The following ATRNL1 variants were observed in gnomAD, a reference collection of about 807,000 sequenced individuals.
The protein encoded by ATRNL1 is attractin-like protein 1.
ATRNL1 carries 95 observed loss-of-function variants against 182.7 expected under a neutral mutation model. The observed-to-expected ratio is 0.52, with a 90% CI of 0.44 to 0.62. The LOEUF (loss-of-function observed/expected upper bound fraction) is 0.62, where lower values mean the gene tolerates loss of function less well. Ranked by LOEUF, ATRNL1 falls within the 20% of genes least tolerant of loss-of-function variation. The probability of loss-of-function intolerance (pLI) is 0.00; values close to 1 mark genes in which losing one functional copy is unlikely to be tolerated. For synonymous variants in ATRNL1, 576 were observed against 568.3 expected, an observed-to-expected ratio of 1.01 and a Z score of -0.19; for missense variants, 1,471 against 1,679.5, an observed-to-expected ratio of 0.88 and a Z score of 2.17.
chr10:115,665,416 G>A (rs2133914957), intron 26 of ATRNL1, among the ~76,000 whole-genome samples: 2 of 152,190 alleles, frequency 1.3e-5, no homozygotes, highest in Middle Eastern at 6.8e-3. Flanking sequence ...CTTTCAGTCA[G>A]TACTCTTTTG....
intron 21 of ATRNL1, 133 bp downstream of exon 21, chr10:115,426,435 C>T: frequency 6.7e-6 from 4 of 594,046 alleles, no homozygotes; most frequent in Non-Finnish European, 8.7e-6. Context: ...TATAATACAA[C>T]TTTACGTATA....
At chr10:115,844,784 G>A (rs1352656512) in intron 27 of ATRNL1, among the ~76,000 whole-genome samples, 1 of 152,028 alleles carries the variant, frequency 6.6e-6, no homozygotes, top group Non-Finnish European at 1.5e-5. Flanking sequence ...GCTGAGTGCT[G>A]TGGGCAAACA....
intron 26 of ATRNL1, among the ~76,000 whole-genome samples, chr10:115,682,079 A>G (rs1168903277): frequency 6.6e-6 from 1 of 152,044 alleles, no homozygotes; most frequent in Non-Finnish European, 1.5e-5. Context: ...TTCTTACTCT[A>G]GCTGTGAAAA....
At chr10:115,911,086 C>A (rs1285697125) in intron 28 of ATRNL1, among the ~76,000 whole-genome samples, 4 of 152,006 alleles carry the variant, frequency 2.6e-5, no homozygotes, top group African/African-American at 9.7e-5. Context: ...CTCCCTGCAA[C>A]CTCCGCCTCC....
chr10:115,787,462 G>A (rs1049187302), intron 27 of ATRNL1, among the ~76,000 whole-genome samples: 2 of 151,954 alleles, frequency 1.3e-5, no homozygotes, highest in Admixed American at 1.3e-4. Context: ...TGGAAACTTA[G>A]GAAACAATAT....
intron 20 of ATRNL1, among the ~76,000 whole-genome samples, chr10:115,417,495 C>A (rs1266751000): frequency 3.3e-5 from 5 of 152,216 alleles, no homozygotes; most frequent in South Asian, 2.1e-4. Context: ...CAGCTCCCCC[C>A]ACTGTAGTCA....
chr10:115,598,288 T>C (rs1007982098), intron 26 of ATRNL1, among the ~76,000 whole-genome samples: 1 of 151,442 alleles, frequency 6.6e-6, no homozygotes, highest in Non-Finnish European at 1.5e-5. Flanking sequence ...AATTGATAAA[T>C]TGAGAAATTT....
At chr10:115,695,224 A>G (rs1310764273) in intron 26 of ATRNL1, among the ~76,000 whole-genome samples, 1 of 152,172 alleles carries the variant, frequency 6.6e-6, no homozygotes, top group African/African-American at 2.4e-5. Flanking sequence ...AATTTTGGCT[A>G]TTTAGTACAA....
intron 27 of ATRNL1, among the ~76,000 whole-genome samples, chr10:115,789,496 G>T (rs919295976): frequency 6.6e-6 from 1 of 152,156 alleles, no homozygotes; most frequent in Non-Finnish European, 1.5e-5. Flanking sequence ...GCTCCTCCCA[G>T]GGCACCGAGC....
rs954948814 is a variant in ATRNL1 at position 115,101,837 on chromosome 10, C to T, written c.293+7794C>T. ...TCTAGGCCTGAAGTTTTCTTTAACT[C>T]CAAATTCAACTTTTATTAATATACA... is the stretch of plus-strand genomic sequence containing the variant. On this transcript the variant is annotated intron_variant, in intron 1 of 28. Transcript: ENST00000355044. 4.6e-5 allele frequency among the ~76,000 whole-genome samples: 7 copies of T among 152,132 alleles called. No individual in the cohort carries two copies. In the South Asian group the frequency reaches 1.0e-3, roughly 23 times the overall value.
chr10:115,588,843 T>G (rs557579230), intron 26 of ATRNL1, among the ~76,000 whole-genome samples: 2 of 152,360 alleles, frequency 1.3e-5, no homozygotes, highest in African/African-American at 4.8e-5. Flanking sequence ...GAGCTTCCTA[T>G]TCTTCCATCT....
At chr10:115,149,843 G>T (rs1220992472) in intron 5 of ATRNL1, among the ~76,000 whole-genome samples, 2 of 145,580 alleles carry the variant, frequency 1.4e-5, no homozygotes, top group African/African-American at 5.0e-5. Context: ...TCCTGGCCTT[G>T]TAAAATGAAT....
At chr10:115,761,147 G>A (rs781883972) in intron 27 of ATRNL1, among the ~76,000 whole-genome samples, 1 of 152,066 alleles carries the variant, frequency 6.6e-6, no homozygotes, top group African/African-American at 2.4e-5. Context: ...AAAGAAAGCT[G>A]AAAATAATAG....
At chr10:115,844,372 A>G (rs920725713) in intron 27 of ATRNL1, among the ~76,000 whole-genome samples, 1 of 152,088 alleles carries the variant, frequency 6.6e-6, no homozygotes, top group African/African-American at 2.4e-5. Flanking sequence ...GATGTTTTCC[A>G]AACGTGCAGT....
intron 9 of ATRNL1, among the ~76,000 whole-genome samples, chr10:115,225,534 A>G (rs539372031): frequency 1.7e-3 from 242 of 141,312 alleles, no homozygotes; most frequent in African/African-American, 6.0e-3. Flanking sequence ...TGCTGCAAAT[A>G]ACATCAATAT....
chr10:115,686,716 A>C (rs1946229888), intron 26 of ATRNL1, among the ~76,000 whole-genome samples: 2 of 151,982 alleles, frequency 1.3e-5, no homozygotes, highest in South Asian at 4.1e-4. Context: ...TGGGTCATTT[A>C]ATTCATGTTT....
In ATRNL1 at chr10:115,293,274, C is replaced by T. The variant is rs1446769001; in HGVS notation, c.2416-6760C>T. 3.3e-5 allele frequency among the ~76,000 whole-genome samples: 5 copies of T among 151,966 alleles called. 1 individual carries two copies. The highest frequency in any genetic ancestry group is 7.4e-5 in the Non-Finnish European group (5 of 67,940). ...GGTGAGGTAAGTTTCTCTTAGGCAGCATATTGTTAGTTATTTTTTTAAAAA... is the reference window on the plus strand; with the variant it reads ...GGTGAGGTAAGTTTCTCTTAGGCAGTATATTGTTAGTTATTTTTTTAAAAA... On this transcript the variant is annotated intron_variant, in intron 15 of 28. Transcript: ENST00000355044.
At chr10:115,578,577 G>A (rs190028949) in intron 26 of ATRNL1, among the ~76,000 whole-genome samples, 1 of 151,354 alleles carries the variant, frequency 6.6e-6, no homozygotes, top group Admixed American at 6.6e-5. Flanking sequence ...TTATTTCTGA[G>A]GTATCCCTTA....
At chr10:115,264,642 T>C (rs964299078) in intron 10 of ATRNL1, among the ~76,000 whole-genome samples, 2 of 151,630 alleles carry the variant, frequency 1.3e-5, no homozygotes, top group Non-Finnish European at 3.0e-5. Context: ...ATGATTTTCA[T>C]TTTTTATCTA....
Sources: allele counts gnomAD v4.1 joint callset (sites outside exome capture counted in the v4.1 genomes callset), GRCh38; gene constraint gnomAD v4.1.1; transcripts MANE v1.5; gene names NCBI Gene and HGNC (gene_info 2026-07-23, HGNC 2026-07-21).